The following COPS2 variants were observed in gnomAD, a reference collection of about 807,000 sequenced individuals.
The protein encoded by COPS2 is COP9 signalosome subunit 2.
COPS2 carries 10 observed loss-of-function variants against 66.1 expected under a neutral mutation model. The ratio of observed to expected loss-of-function variants is 0.15; its 90% CI spans 0.09 to 0.26. The LOEUF (loss-of-function observed/expected upper bound fraction) is 0.26. Ranked by LOEUF, COPS2 falls within the 10% of genes least tolerant of loss-of-function variation. The pLI is 1.00. For missense variants in COPS2, 215 were observed against 513.3 expected (o/e 0.42, Z 5.62); for synonymous variants, 179 against 171.3 (o/e 1.04, Z -0.35).
chr15:49,144,402 G>A, intron 2 of COPS2, 98 bp from the exon 3 acceptor site: 1 of 676,426 alleles, frequency 1.5e-6, no homozygotes. Flanking sequence ...TATACTATAT[G>A]CATAAAAAAC....
At chr15:49,129,321 T>A (rs539021116) in intron 11 of COPS2, among the ~76,000 whole-genome samples, 156 bp downstream of exon 11, 7 of 149,838 alleles carry the variant, frequency 4.7e-5, no homozygotes, top group African/African-American at 9.8e-5. Context: ...AAAAAAAAAA[T>A]GATTAAAAGT....
chr15:49,133,688 A>G (rs935723949), intron 9 of COPS2, 71 bp downstream of exon 9: 39 of 1,068,394 alleles, frequency 3.7e-5, no homozygotes, highest in Non-Finnish European at 5.0e-5. Flanking sequence ...TGAGTTCTGA[A>G]AAGTTTTCTC....
intron 1 of COPS2, among the ~76,000 whole-genome samples, chr15:49,146,756 C>T (rs1395374132): frequency 6.6e-6 from 1 of 152,122 alleles, no homozygotes; most frequent in Non-Finnish European, 1.5e-5. Context: ...TTCTAATATC[C>T]TCATGGTTAA....
intron 3 of COPS2, among the ~76,000 whole-genome samples, chr15:49,143,085 G>A (rs927677124): frequency 6.6e-6 from 1 of 152,174 alleles, no homozygotes; most frequent in African/African-American, 2.4e-5. Flanking sequence ...ATTGAGCAGA[G>A]ACCTGAATCA....
chr15:49,134,250 G>GTA (rs913016028), intron 7 of COPS2, 90 bp downstream of exon 7: 3 of 1,427,202 alleles, frequency 2.1e-6, no homozygotes, highest in Middle Eastern at 2.0e-4. Context: ...TGGCCCCAAG[G>GTA]TATACACTGA....
Position 49,137,424 on chromosome 15 carries a change from T to G in COPS2, c.386A>C (p.Gln129Pro). Reference sequence around the variant, plus strand: ...TTCCAGTGTTGTTTCATAGAATTCCTGCAGTAAATCCATCTGACATAAAAA... The same window carrying G: ...TTCCAGTGTTGTTTCATAGAATTCCGGCAGTAAATCCATCTGACATAAAAA... ...ISTSKQMDLLQEFYETTLEAL... is the reference protein window; with the variant it reads ...ISTSKQMDLLPEFYETTLEAL... The change falls in exon 5 of 13, where the codon CAG (glutamine) becomes CCG (proline). Residue 129 changes from glutamine to proline, a missense_variant. Transcript: ENST00000388901. 1.2e-6 allele frequency: 2 copies of G among 1,611,302 alleles called. No individual in the cohort carries two copies. Among genetic ancestry groups the G allele is most frequent in the Non-Finnish European group, 8.5e-7 (1 of 1,178,188 alleles).
In COPS2 at chr15:49,125,730, C is replaced by T. The variant is rs1339346996; in HGVS notation, c.*2220G>A. The T allele has an allele frequency of 1.3e-5, 2 of 152,106 alleles. No individual in the cohort carries two copies. Among genetic ancestry groups the T allele is most frequent in the East Asian group, 3.9e-4 (2 of 5,188 alleles). 9.4% of individuals were successfully genotyped at this position (152,106 alleles called of 1,614,324 possible). On this transcript the variant is annotated 3_prime_UTR_variant, in exon 13 of 13. Transcript: ENST00000388901. ...TGACTAACAGAAAAAAAAGAACGCACCTATATCTGGGTAAACAAAGCTATG... is the reference window on the plus strand; with the variant it reads ...TGACTAACAGAAAAAAAAGAACGCATCTATATCTGGGTAAACAAAGCTATG...
At chr15:49,148,958 T>C (rs1372902237) in intron 1 of COPS2, among the ~76,000 whole-genome samples, 1 of 152,204 alleles carries the variant, frequency 6.6e-6, no homozygotes, top group Non-Finnish European at 1.5e-5. Context: ...CTGAATTAGT[T>C]ACGTCAAATG....
rs893142383 is a variant in COPS2, at chr15:49,128,238, T to C, written c.1188-144A>G. 3 of 695,192 alleles carry C rather than the reference T, an allele frequency of 4.3e-6. No individual in the cohort carries two copies. The Admixed American group carries it at 9.0e-5, about 21-fold the overall frequency. 43.1% of individuals were successfully genotyped at this position (695,192 alleles called of 1,614,324 possible). A position where few individuals can be genotyped will look rare whatever the true frequency, so the allele number is the denominator to read the frequency against. ...AAATGAGTTCAGTGTTAGTTTTAAC[T>C]TCACTGTGTTATTCAAACTCTAGAT... is the stretch of plus-strand genomic sequence containing the variant. On this transcript the variant is annotated intron_variant, in intron 12 of 12. Transcript: ENST00000388901.
chr15:49,133,664 T>A, intron 9 of COPS2, 95 bp downstream of exon 9: 1 of 739,744 alleles, frequency 1.4e-6, no homozygotes, highest in Non-Finnish European at 2.2e-6. Context: ...AAAGGGCAAA[T>A]GTTGAATATT....
At chr15:49,138,308 T>C (rs1406882119) in intron 4 of COPS2, among the ~76,000 whole-genome samples, 1 of 148,544 alleles carries the variant, frequency 6.7e-6, no homozygotes, top group Non-Finnish European at 1.5e-5. Flanking sequence ...GCAGGAAAAT[T>C]TCACATTTTC....
intron 1 of COPS2, among the ~76,000 whole-genome samples, chr15:49,154,241 G>T (rs1417802682): frequency 6.6e-6 from 1 of 152,068 alleles, no homozygotes; most frequent in Non-Finnish European, 1.5e-5. Context: ...CAGGTAATAA[G>T]TAAAAATGGA....
intron 1 of COPS2, among the ~76,000 whole-genome samples, chr15:49,145,947 G>A (rs961323058): frequency 6.6e-5 from 10 of 152,186 alleles, no homozygotes; most frequent in Middle Eastern, 3.4e-3. Context: ...CAAAGGGCAA[G>A]TTTATATCAA....
At chr15:49,141,889 G>A (rs1433082453) in intron 3 of COPS2, among the ~76,000 whole-genome samples, 7 of 152,198 alleles carry the variant, frequency 4.6e-5, no homozygotes, top group Admixed American at 4.6e-4. Context: ...GGGTAGCACA[G>A]TGTTCAAATG....
intron 6 of COPS2, among the ~76,000 whole-genome samples, chr15:49,136,057 T>A: frequency 6.6e-6 from 1 of 152,052 alleles, no homozygotes. Flanking sequence ...AATTCCTAAG[T>A]GACTAATCTG....
Position 49,139,665 on chromosome 15 carries a change from G to A in COPS2, c.247-12C>T. ...TCTGGAAAGTTTGTCTGTGAGAAAA[G>A]AAAAATGAATTATCAGATGCAAATT... On this transcript the variant is annotated splice_polypyrimidine_tract_variant and intron_variant, in intron 3 of 12. Transcript: ENST00000388901. 6.4e-7 allele frequency: 1 copy of A among 1,573,044 alleles called. No homozygotes were observed. The highest frequency in any genetic ancestry group is 8.6e-7 in the Non-Finnish European group (1 of 1,160,288).
intron 1 of COPS2, among the ~76,000 whole-genome samples, chr15:49,151,106 A>G (rs1346160669): frequency 6.6e-6 from 1 of 152,140 alleles, no homozygotes; most frequent in Non-Finnish European, 1.5e-5. Flanking sequence ...TTAAATAATT[A>G]TATCCAAATA....
At chr15:49,128,237 C>T (rs759636547) in intron 12 of COPS2, 143 bp from the exon 13 acceptor site, 2 of 705,694 alleles carry the variant, frequency 2.8e-6, no homozygotes, top group Non-Finnish European at 4.6e-6. Flanking sequence ...TTAGTTTTAA[C>T]TTCACTGTGT....
chr15:49,133,600 G>A (rs1180081710), intron 9 of COPS2, among the ~76,000 whole-genome samples, 159 bp downstream of exon 9: 2 of 152,088 alleles, frequency 1.3e-5, no homozygotes, highest in Non-Finnish European at 2.9e-5. Flanking sequence ...AGAAAATAGC[G>A]TAATAAATAA....
Sources: allele counts gnomAD v4.1 joint callset (sites outside exome capture counted in the v4.1 genomes callset), GRCh38; gene constraint gnomAD v4.1.1; transcripts MANE v1.5; gene names NCBI Gene and HGNC (gene_info 2026-07-23, HGNC 2026-07-21).